The following FOXA3 variants were observed in gnomAD, a reference collection of about 807,000 sequenced individuals.
The protein encoded by FOXA3 is hepatocyte nuclear factor 3-gamma.
In FOXA3, 11 loss-of-function variants were observed where a neutral mutation model predicts 16.9. The observed-to-expected ratio is 0.65, with a 90% CI of 0.41 to 1.08. FOXA3 has a LOEUF of 1.08. Ranked by LOEUF, FOXA3 falls within the 50% of genes least tolerant of loss-of-function variation. The pLI is 0.00. For synonymous variants in FOXA3, 217 were observed against 203.3 expected (o/e 1.07, Z -0.57); for missense variants, 423 against 470.1 (o/e 0.90, Z 0.93).
intron 1 of FOXA3, among the ~76,000 whole-genome samples, chr19:45,869,070 G>A (rs1372999361): frequency 6.6e-6 from 1 of 152,124 alleles, no homozygotes; most frequent in African/African-American, 2.4e-5. Context: ...TGGGATTGCA[G>A]GCATGTGCCA....
intron 1 of FOXA3, among the ~76,000 whole-genome samples, chr19:45,866,901 T>G (rs937611273): frequency 1.3e-5 from 2 of 152,108 alleles, no homozygotes; most frequent in African/African-American, 2.4e-5. Context: ...GTCACACCCT[T>G]CTCCAGAGAC....
rs1251802405 is a variant in FOXA3, at chr19:45,872,214, C to A, written c.209C>A (p.Pro70His). The A allele has an allele frequency of 6.2e-7, 1 of 1,601,988 alleles. No individual in the cohort carries two copies. The highest frequency in any genetic ancestry group is 8.5e-7 in the Non-Finnish European group (1 of 1,172,532). The change falls in exon 2 of 2, where the codon CCT becomes CAT. Residue 70 changes from proline (P) to histidine (H), a missense_variant. Pro to His is a moderately conservative substitution (Grantham distance 77). Coordinates refer to ENST00000302177, the MANE Select transcript of FOXA3 (RefSeq NM_004497.3). This position sits in a 1 kb window ranked among gnomAD's most constrained non-coding sequence, Gnocchi z 4.5. ...TCAGGACCCCTGGCACCCCCAGCAC[C>A]TGCAGCCCCCCTGGGGCCCACTTTC... ...LPSGPLAPPA[P>H]AAPLGPTFPG...
rs58715842 is a variant in FOXA3, at chr19:45,871,570, C to CAA, written c.70-488_70-487dup. Among the ~76,000 whole-genome samples, 323 of 86,904 alleles carry CAA rather than the reference C, an allele frequency of 3.7e-3. 3 individuals are homozygous for CAA. The highest frequency in any genetic ancestry group is 9.4e-3 in the African/African-American group (256 of 27,136). 57.0% of individuals were successfully genotyped at this position (86,904 alleles called of 152,430 possible). A position where few individuals can be genotyped will look rare whatever the true frequency, so the allele number is the denominator to read the frequency against. On this transcript the variant is annotated intron_variant, in intron 1 of 1. Transcript: ENST00000302177. The stretch of plus-strand genomic sequence containing the variant: ...AGAAACCCTGTCTCTACTAAAAATA[C>CAA]AAAAAAAAAAAAAAAAAAGCTGGCG...
At chr19:45,867,520 C>A (rs1972095259) in intron 1 of FOXA3, among the ~76,000 whole-genome samples, 1 of 151,988 alleles carries the variant, frequency 6.6e-6, no homozygotes, top group Non-Finnish European at 1.5e-5. Context: ...TAGCTCATGA[C>A]TGTAATCCCA....
chr19:45,866,387 G>T, intron 1 of FOXA3, among the ~76,000 whole-genome samples: 1 of 152,154 alleles, frequency 6.6e-6, no homozygotes, highest in East Asian at 1.9e-4. Context: ...TCCAGCCTGG[G>T]TGACAGAATG....
rs761179403 is a variant in FOXA3, at chr19:45,872,926, C to T, written c.921C>T (p.Asn307=). 1.2e-6 allele frequency: 2 copies of T among 1,614,066 alleles called. No homozygotes were observed. Among genetic ancestry groups the T allele is most frequent in the African/African-American group, 2.7e-5 (2 of 74,914 alleles). ...ACTTCAACCACCCTTTCTCCATCAA[C>T]AACCTAATGTCAGAACAGACACCAG... ...PYNFNHPFSI[N]NLMSEQTPAP... is the part of the protein sequence containing the mutation. Residue 307 remains asparagine, a synonymous_variant, in exon 2 of 2, where the codon AAC becomes AAT. Coordinates refer to ENST00000302177, the MANE Select transcript of FOXA3 (RefSeq NM_004497.3). This position sits in a 1 kb window ranked among gnomAD's most constrained non-coding sequence, Gnocchi z 4.5.
rs1478750825 is a variant in FOXA3 at position 45,872,951 on chromosome 19, G to GC, written c.947dup (p.Pro317ThrfsTer14). On this transcript the variant is annotated frameshift_variant, in exon 2 of 2. Coordinates refer to ENST00000302177, the MANE Select transcript of FOXA3 (RefSeq NM_004497.3). LOFTEE classifies it high-confidence loss of function. The surrounding 1 kb of genome is among the most constrained non-coding windows in gnomAD (Gnocchi z 4.5). ...CAACCTAATGTCAGAACAGACACCA[G>GC]CACCTCCCAAACTGGACGTGGGGTT... 1 of 1,614,004 alleles carries GC rather than the reference G, an allele frequency of 6.2e-7. No homozygotes were observed. The highest frequency in any genetic ancestry group is 8.5e-7 in the Non-Finnish European group (1 of 1,180,020).
Position 45,872,563 on chromosome 19 carries a change from C to T in FOXA3, c.558C>T (p.Gly186=). 6.2e-7 allele frequency: 1 copy of T among 1,614,194 alleles called. No homozygotes were observed. Residue 186 remains glycine (G), a synonymous_variant, in exon 2 of 2, where the codon GGC becomes GGT. Transcript: ENST00000302177. This position sits in a 1 kb window ranked among gnomAD's most constrained non-coding sequence, Gnocchi z 4.5. ...TGGCGCGTTCCCCAGACAAGCCTGG[C>T]AAGGGCTCCTACTGGGCCCTACACC... ...VKVARSPDKP[G]KGSYWALHPS... is the part of the protein sequence containing the mutation.
chr19:45,872,351 G>C lies in FOXA3; in HGVS notation c.346G>C (p.Ala116Pro), dbSNP rs749800055. ...GGGGTATCGGCGGCCCCTGGCACAC[G>C]CCAAGCCACCGTATTCCTATATCTC... ...PKGYRRPLAH[A>P]KPPYSYISLI... The change falls in exon 2 of 2, where the codon GCC (alanine) becomes CCC (proline). Residue 116 changes from alanine (A) to proline (P), a missense_variant. Ala to Pro is a conservative substitution (Grantham distance 27). This residue lies in a region of FOXA3 where 85 missense variants were observed against 136.9 expected (regional missense o/e 0.62). Coordinates refer to ENST00000302177, the MANE Select transcript of FOXA3 (RefSeq NM_004497.3). The surrounding 1 kb of genome is among the most constrained non-coding windows in gnomAD (Gnocchi z 4.5). 2 of 1,614,150 alleles carry C rather than the reference G, an allele frequency of 1.2e-6. No individual in the cohort carries two copies. Among genetic ancestry groups the C allele is most frequent in the Non-Finnish European group, 1.7e-6 (2 of 1,180,014 alleles).
intron 1 of FOXA3, among the ~76,000 whole-genome samples, chr19:45,866,952 T>C (rs1437835903): frequency 6.6e-6 from 1 of 152,182 alleles, no homozygotes; most frequent in African/African-American, 2.4e-5. Context: ...TCTCCTGGTG[T>C]GGGGGTGCGG....
chr19:45,871,223 G>A (rs1966901960), intron 1 of FOXA3, among the ~76,000 whole-genome samples: 1 of 152,156 alleles, frequency 6.6e-6, no homozygotes, highest in Non-Finnish European at 1.5e-5. Flanking sequence ...TCATTTGTTA[G>A]TGTAAAAGAT....
chr19:45,869,769 A>G (rs1175047875), intron 1 of FOXA3, among the ~76,000 whole-genome samples: 1 of 151,672 alleles, frequency 6.6e-6, no homozygotes, highest in African/African-American at 2.4e-5. Flanking sequence ...GTATAAATAC[A>G]GTAATTTATT....
chr19:45,872,702 G>C lies in FOXA3; in HGVS notation c.697G>C (p.Gly233Arg). 6.2e-7 allele frequency: 1 copy of C among 1,608,896 alleles called. No homozygotes were observed. Among genetic ancestry groups the C allele is most frequent in the South Asian group, 1.1e-5 (1 of 90,666 alleles). The change falls in exon 2 of 2, where the codon GGG (glycine) becomes CGG (arginine). Residue 233 changes from glycine to arginine, a missense_variant. Gly to Arg is a moderately radical substitution (Grantham distance 125, BLOSUM62 -2). Coordinates refer to ENST00000302177, the MANE Select transcript of FOXA3 (RefSeq NM_004497.3). This position sits in a 1 kb window ranked among gnomAD's most constrained non-coding sequence, Gnocchi z 4.5. ...CGGGGCTGCCACCACCACCAGGAAC[G>C]GGACAGGGTCTGCTGCCTCGACCAC... The part of the protein sequence containing the change: ...GSGAATTTRN[G>R]TGSAASTTTP...
At chr19:45,867,418 T>C (rs1207924531) in intron 1 of FOXA3, among the ~76,000 whole-genome samples, 12 of 111,326 alleles carry the variant, frequency 1.1e-4, no homozygotes, top group African/African-American at 3.8e-4. Flanking sequence ...GGGAGGGAGA[T>C]AGATAGATAG....
At chr19:45,867,753 C>G (rs533467521) in intron 1 of FOXA3, among the ~76,000 whole-genome samples, 1 of 125,008 alleles carries the variant, frequency 8.0e-6, no homozygotes, top group Non-Finnish European at 1.6e-5. Flanking sequence ...GCACTCCAGC[C>G]TGGGTGACAG....
chr19:45,868,661 C>G (rs61220144), intron 1 of FOXA3, among the ~76,000 whole-genome samples: 9 of 151,086 alleles, frequency 6.0e-5, no homozygotes, highest in Non-Finnish European at 1.3e-4. Context: ...CTAGCCAGTG[C>G]TGTATATAGC....
At chr19:45,869,506 TAGG>T (rs1480429851) in intron 1 of FOXA3, among the ~76,000 whole-genome samples, 1 of 152,218 alleles carries the variant, frequency 6.6e-6, no homozygotes, top group African/African-American at 2.4e-5. Context: ...GAGGGTTACT[TAGG>T]AGGCACTGCA....
At chr19:45,865,796 C>T (rs1972079425) in intron 1 of FOXA3, among the ~76,000 whole-genome samples, 1 of 151,876 alleles carries the variant, frequency 6.6e-6, no homozygotes, top group Non-Finnish European at 1.5e-5. Flanking sequence ...GGGGCAGGGC[C>T]AACAGGGAAA....
intron 1 of FOXA3, among the ~76,000 whole-genome samples, chr19:45,865,736 C>G (rs1277058515): frequency 1.3e-5 from 2 of 151,834 alleles, no homozygotes; most frequent in Non-Finnish European, 2.9e-5. Flanking sequence ...GGCAAGGTGC[C>G]TGGGAAGGGC....
Sources: allele counts gnomAD v4.1 joint callset (sites outside exome capture counted in the v4.1 genomes callset), GRCh38; gene constraint gnomAD v4.1.1; regional missense constraint gnomAD v4.1.1; non-coding constraint Gnocchi (gnomAD v3.1); transcripts MANE v1.5; gene names NCBI Gene and HGNC (gene_info 2026-07-23, HGNC 2026-07-21).